Variants in ATXN3 observed in about 807,000 individuals in gnomAD.
ATXN3 encodes the protein ataxin-3.
Under a neutral mutation model 58.2 loss-of-function variants are expected in ATXN3, and 28 were observed. The ratio of observed to expected loss-of-function variants is 0.48; its 90% CI spans 0.36 to 0.66. The LOEUF is 0.66. Ranked by LOEUF, ATXN3 falls within the 30% of genes least tolerant of loss-of-function variation. ATXN3 has a pLI of 0.00. For synonymous variants in ATXN3, 113 were observed against 138.5 expected (o/e 0.82, Z 1.29); for missense variants, 321 against 422.1 (o/e 0.76, Z 2.10).
rs2057830974 is a variant in ATXN3 at position 92,062,265 on chromosome 14, AC to A, written c.*2054del. ...TAGCAAGACTCCGTCTCAAAAAAAA[AC>A]AAAAACAAAAACAAAAACTCTCTAG... On this transcript the variant is annotated 3_prime_UTR_variant, in exon 11 of 11. Transcript: ENST00000644486. 6.6e-6 allele frequency: 1 copy of A among 152,028 alleles called. No homozygotes were observed. The highest frequency in any genetic ancestry group is 1.5e-5 in the Non-Finnish European group (1 of 68,036). The allele number at this position is 152,028 out of a possible 1,614,324, so 9.4% of individuals were successfully genotyped here. A position where few individuals can be genotyped will look rare whatever the true frequency, so the allele number is the denominator to read the frequency against.
At chr14:92,057,612 C>T (rs540568137), downstream of ATXN3, among the ~76,000 whole-genome samples, 14 of 152,072 alleles carry the variant, frequency 9.2e-5, no homozygotes, top group South Asian at 2.1e-4. Flanking sequence ...GATCGGGCCC[C>T]GGTCCTGTAA....
At chr14:92,098,946 A>G (rs2066052960) in intron 1 of ATXN3, among the ~76,000 whole-genome samples, 1 of 152,150 alleles carries the variant, frequency 6.6e-6, no homozygotes, top group Non-Finnish European at 1.5e-5. Flanking sequence ...CCTGAATCCA[A>G]GTCCAGGGTG....
chr14:92,066,664 G>A (rs1249931151), intron 10 of ATXN3, among the ~76,000 whole-genome samples: 1 of 139,324 alleles, frequency 7.2e-6, no homozygotes, highest in South Asian at 2.3e-4. Context: ...CTGGAGTACA[G>A]TGGCATGAGC....
rs2057948739 is a variant in ATXN3 at position 92,063,795 on chromosome 14, G to A, written c.*525C>T. On this transcript the variant is annotated 3_prime_UTR_variant, in exon 11 of 11. Coordinates refer to ENST00000644486, the MANE Select transcript of ATXN3 (RefSeq NM_004993.6). ...GAAAACAACACAAGAAAACACTGGA[G>A]CACACGGTATACAGTTGAAGGGAGA... 1 of 152,182 alleles carries A rather than the reference G, an allele frequency of 6.6e-6. No homozygotes were observed. Among genetic ancestry groups the A allele is most frequent in the Non-Finnish European group, 1.5e-5 (1 of 68,030 alleles). The allele number at this position is 152,182 out of a possible 1,614,324, so 9.4% of individuals were successfully genotyped here.
rs1282895907 is a variant in ATXN3, at chr14:92,060,303, T to A, written c.*4017A>T. 6.7e-6 allele frequency: 1 copy of A among 149,812 alleles called. No individual in the cohort carries two copies. 9.3% of individuals were successfully genotyped at this position (149,812 alleles called of 1,614,324 possible). A position where few individuals can be genotyped will look rare whatever the true frequency, so the allele number is the denominator to read the frequency against. ...TTTTCAGAAACAGTGTCTCACTCTG[T>A]TGGGCAGGCTGGAATGCAGTGGTGA... On this transcript the variant is annotated 3_prime_UTR_variant, in exon 11 of 11. Transcript: ENST00000644486.
At chr14:92,079,084 G>A (rs2060962450) in intron 9 of ATXN3, among the ~76,000 whole-genome samples, 1 of 151,834 alleles carries the variant, frequency 6.6e-6, no homozygotes, top group South Asian at 2.1e-4. Context: ...TACTTGGGAG[G>A]CTGAAGTGGG....
upstream of ATXN3, among the ~76,000 whole-genome samples, chr14:92,051,441 G>C (rs57984042): frequency 0.019 from 2,817 of 152,112 alleles, 52 homozygotes; most frequent in South Asian, 0.08. Flanking sequence ...CCAGGACTCT[G>C]TTTTCCTGCT....
At chr14:92,096,230 G>A in intron 2 of ATXN3, 93 bp from the exon 3 acceptor site, 2 of 1,609,962 alleles carry the variant, frequency 1.2e-6, no homozygotes, top group Non-Finnish European at 1.7e-6. Context: ...ACAATATCTT[G>A]TGCATTCCCA....
rs1457402775 is a variant in ATXN3 at position 92,060,775 on chromosome 14, C to T, written c.*3545G>A. The T allele has an allele frequency of 1.3e-5, 2 of 151,242 alleles. No individual in the cohort carries two copies. The highest frequency in any genetic ancestry group is 2.4e-5 in the African/African-American group (1 of 41,036). The allele number at this position is 151,242 out of a possible 1,614,324, so 9.4% of individuals were successfully genotyped here. On this transcript the variant is annotated 3_prime_UTR_variant, in exon 11 of 11. Transcript: ENST00000644486. ...TGAGACAGAGTCTCACTCTGTCGCC[C>T]AGTCTGGAGTACAGTGGCACCATCT... is the stretch of plus-strand genomic sequence containing the variant.
chr14:92,081,240 G>A (rs1436719712), intron 8 of ATXN3, among the ~76,000 whole-genome samples, 179 bp from the exon 9 acceptor site: 6 of 152,106 alleles, frequency 3.9e-5, no homozygotes, highest in Non-Finnish European at 5.9e-5. Context: ...GGGAGGCCAA[G>A]GCAGGTGGAT....
chr14:92,105,020 C>T (rs1053113536), intron 1 of ATXN3, among the ~76,000 whole-genome samples: 4 of 152,028 alleles, frequency 2.6e-5, no homozygotes, highest in Non-Finnish European at 5.9e-5. Flanking sequence ...TCATGTCAAT[C>T]AAGTCAAAAA....
chr14:92,105,075 A>G (rs749561634), intron 1 of ATXN3, among the ~76,000 whole-genome samples: 44 of 152,162 alleles, frequency 2.9e-4, no homozygotes, highest in Non-Finnish European at 6.0e-4. Flanking sequence ...CCCACTGAAC[A>G]TCAGCCTATT....
chr14:92,072,617 T>C (rs1410914797), intron 9 of ATXN3, among the ~76,000 whole-genome samples: 2 of 147,410 alleles, frequency 1.4e-5, no homozygotes, highest in Non-Finnish European at 3.0e-5. Flanking sequence ...CTGTATTTCA[T>C]ATATGTAAAT....
chr14:92,047,722 A>G (rs141293261), intron 2 of ATXN3, among the ~76,000 whole-genome samples: 1 of 152,342 alleles, frequency 6.6e-6, no homozygotes, highest in East Asian at 1.9e-4. Flanking sequence ...ACTAAAAAAG[A>G]GTACATAAAA....
Position 92,106,582 on chromosome 14 carries a change from C to A in ATXN3, c.-30G>T, listed in dbSNP as rs374699412. 94 of 1,610,822 alleles carry A rather than the reference C, an allele frequency of 5.8e-5. No homozygotes were observed. In the South Asian group the frequency reaches 9.8e-4, roughly 17 times the overall value. ...ATTTGTCTGGAGCCAACGGCCCCCA[C>A]GCCGAACCACCCCCTCCAGCTCCGC... On this transcript the variant is annotated 5_prime_UTR_variant, in exon 1 of 11. Transcript: ENST00000644486.
At chr14:92,091,271 C>T (rs10135377) in intron 5 of ATXN3, among the ~76,000 whole-genome samples, 4,387 of 151,866 alleles carry the variant, frequency 0.029, 210 homozygotes, top group African/African-American at 0.099. Context: ...ACCAACATGG[C>T]GAAACCCCGT....
intron 10 of ATXN3, among the ~76,000 whole-genome samples, chr14:92,066,774 A>ATTTTT (rs144833998): frequency 7.9e-4 from 111 of 140,600 alleles, no homozygotes; most frequent in African/African-American, 2.0e-3. Flanking sequence ...AGCCTGGATA[A>ATTTTT]TTTTTTTTTT....
intron 9 of ATXN3, among the ~76,000 whole-genome samples, chr14:92,072,740 C>T (rs2059657069): frequency 7.6e-6 from 1 of 130,914 alleles, no homozygotes. Context: ...GGTCTTTTGG[C>T]TAAGATCAAG....
At position 92,059,413 on chromosome 14, in the gene ATXN3, TAA is replaced by T. The variant is rs1262616714; in HGVS notation, c.*4905_*4906del. The T allele has an allele frequency of 2.6e-5, 4 of 152,278 alleles. No individual in the cohort carries two copies. Among genetic ancestry groups the T allele is most frequent in the African/African-American group, 9.6e-5 (4 of 41,562 alleles). 9.4% of individuals were successfully genotyped at this position (152,278 alleles called of 1,614,324 possible). A position where few individuals can be genotyped will look rare whatever the true frequency, so the allele number is the denominator to read the frequency against. ...AAGTTTTTATTTTGAATATGAAAAA[TAA>T]AGTTATTTACATTGCTGACATGATT... On this transcript the variant is annotated 3_prime_UTR_variant, in exon 11 of 11. Coordinates refer to ENST00000644486, the MANE Select transcript of ATXN3 (RefSeq NM_004993.6).
Sources: gnomAD v4.1 joint callset for allele counts (sites outside exome capture counted in the v4.1 genomes callset) on GRCh38, gnomAD v4.1.1 for gene constraint, MANE v1.5 for transcripts, NCBI Gene and HGNC (gene_info 2026-07-23, HGNC 2026-07-21) for gene names.